Variants in GLOD4 observed in about 807,000 individuals in gnomAD.
GLOD4 encodes glyoxalase domain-containing protein 4.
In GLOD4, 44 loss-of-function variants were observed where a neutral mutation model predicts 39.1. That is an observed-to-expected ratio of 1.13 (90% confidence interval 0.88 to 1.45). The LOEUF (loss-of-function observed/expected upper bound fraction) is 1.45. Among genes scored for constraint, GLOD4 ranks in the 40% most tolerant of loss-of-function variants. The pLI is 0.00. For missense variants in GLOD4, 405 were observed against 366.4 expected, an observed-to-expected ratio of 1.11 and a Z score of -0.86; for synonymous variants, 145 against 135.0, an observed-to-expected ratio of 1.07 and a Z score of -0.52.
chr17:785,312 ATTG>A (rs754321517), upstream of GLOD4, among the ~76,000 whole-genome samples: 3 of 152,278 alleles, frequency 2.0e-5, no homozygotes, highest in East Asian at 1.9e-4. Flanking sequence ...CATTTTTAAT[ATTG>A]TTATTAGCCT....
intron 1 of GLOD4, 91 bp downstream of exon 1, chr17:782,075 C>A (rs772701502): frequency 1.2e-5 from 11 of 909,088 alleles, no homozygotes; most frequent in Non-Finnish European, 1.9e-5. Flanking sequence ...CTTAGGTTCA[C>A]GACACACCCA....
At chr17:769,562 T>A (rs1907556714) in intron 8 of GLOD4, among the ~76,000 whole-genome samples, 1 of 150,340 alleles carries the variant, frequency 6.7e-6, no homozygotes, top group African/African-American at 2.5e-5. Context: ...GATGGAGGCA[T>A]CTCCATGGGG....
At chr17:782,782 C>T (rs1448369230), upstream of GLOD4, 12 of 1,328,796 alleles carry the variant, frequency 9.0e-6, no homozygotes, top group Non-Finnish European at 1.2e-5. Flanking sequence ...AGGACTTCTT[C>T]CAGTACAGCC....
upstream of GLOD4, among the ~76,000 whole-genome samples, chr17:784,525 C>T (rs1400107099): frequency 1.3e-5 from 2 of 151,620 alleles, no homozygotes; most frequent in African/African-American, 4.8e-5. Context: ...CAGGTGTGCT[C>T]ACAGTGGCCA....
chr17:762,097 G>GT (rs1419616773), intron 8 of GLOD4, among the ~76,000 whole-genome samples: 2 of 152,204 alleles, frequency 1.3e-5, no homozygotes, highest in Admixed American at 1.3e-4. Flanking sequence ...GGGACAGACC[G>GT]TAAGTTGACA....
At chr17:767,732 G>GA (rs1906907479) in intron 8 of GLOD4, among the ~76,000 whole-genome samples, 1 of 148,166 alleles carries the variant, frequency 6.7e-6, no homozygotes, top group African/African-American at 2.5e-5. Flanking sequence ...ACGTAAGAGA[G>GA]GGAAACAGCG....
At chr17:768,513 C>T (rs1597579566) in intron 8 of GLOD4, among the ~76,000 whole-genome samples, 1 of 139,912 alleles carries the variant, frequency 7.1e-6, no homozygotes, top group African/African-American at 2.8e-5. Flanking sequence ...AGAGAAACAG[C>T]GCGCACTCAG....
intron 2 of GLOD4, chr17:778,366 T>G: frequency 2.3e-6 from 1 of 437,028 alleles, no homozygotes; most frequent in Non-Finnish European, 4.0e-6. Flanking sequence ...AGAGTCAGAA[T>G]CAATTAAATA....
intron 2 of GLOD4, 70 bp downstream of exon 2, chr17:778,625 G>T: frequency 1.1e-6 from 1 of 938,128 alleles, no homozygotes; most frequent in Non-Finnish European, 1.8e-6. Context: ...TACTCACTTT[G>T]AGAAACTGTC....
At chr17:773,359 T>C (rs773564013) in intron 4 of GLOD4, among the ~76,000 whole-genome samples, 1 of 151,822 alleles carries the variant, frequency 6.6e-6, no homozygotes, top group Non-Finnish European at 1.5e-5. Context: ...CAATAGAGAA[T>C]TGTTTCTCTT....
Position 776,990 on chromosome 17 carries a change from T to C in GLOD4, c.141-2A>G. On this transcript the variant is annotated splice_acceptor_variant, in intron 2 of 8. Coordinates refer to ENST00000301329, the MANE Select transcript of GLOD4 (RefSeq NM_016080.4). LOFTEE classifies it high-confidence loss of function. ...TTACTCCATTTCCCATCATAAGGCC[T>C]AGAAAATAAAAGTAAATGAACTCAG... 1 of 1,611,246 alleles carries C rather than the reference T, an allele frequency of 6.2e-7. No homozygotes were observed. The highest frequency in any genetic ancestry group is 8.5e-7 in the Non-Finnish European group (1 of 1,177,412).
intron 4 of GLOD4, among the ~76,000 whole-genome samples, chr17:772,013 CAAAAAAAAAAAA>C (rs67745456): frequency 2.0e-5 from 1 of 50,992 alleles, no homozygotes; most frequent in African/African-American, 8.5e-5. Context: ...AACTCTGTCT[CAAAAAAAAAAAA>C]AAAAAAAAAA....
chr17:778,369 A>C, intron 2 of GLOD4: 1 of 441,000 alleles, frequency 2.3e-6, no homozygotes, highest in Non-Finnish European at 4.0e-6. Flanking sequence ...GTCAGAATCA[A>C]TTAAATAACA....
chr17:783,907 TAAGA>T (rs1208038973), upstream of GLOD4, among the ~76,000 whole-genome samples: 1 of 152,188 alleles, frequency 6.6e-6, no homozygotes, highest in Non-Finnish European at 1.5e-5. Flanking sequence ...GATTAAAAAT[TAAGA>T]AAGCGTTTAC....
chr17:770,585 T>G, intron 5 of GLOD4, 78 bp from the exon 6 acceptor site: 1 of 777,336 alleles, frequency 1.3e-6, no homozygotes, highest in South Asian at 1.4e-5. Flanking sequence ...ATTCAAATAT[T>G]ATATACTAAA....
Position 770,010 on chromosome 17 carries a change from G to A in GLOD4, c.744+34C>T, listed in dbSNP as rs368905215. The A allele has an allele frequency of 2.3e-5, 35 of 1,547,092 alleles. No homozygotes were observed. The African/African-American group carries it at 4.5e-4, about 20-fold the overall frequency. On this transcript the variant is annotated intron_variant, in intron 7 of 8. Transcript: ENST00000301329. Reference sequence around the variant, plus strand: ...CAAAGACATCCTTGAAGAAACCCCTGGTCCAGCCTGCCCCCTGCCTGAGAA... The same window carrying A: ...CAAAGACATCCTTGAAGAAACCCCTAGTCCAGCCTGCCCCCTGCCTGAGAA...
chr17:779,319 T>TAAA (rs34487169), intron 1 of GLOD4, among the ~76,000 whole-genome samples: 3,786 of 43,382 alleles, frequency 0.087, 324 homozygotes, highest in Non-Finnish European at 0.12. Context: ...CATCTCAAAT[T>TAAA]AAAAAAAAAA....
Position 782,207 on chromosome 17 carries a change from A to T in GLOD4, c.49T>A (p.Phe17Ile). ...LHFVFKVGNR[F>I]QTARFYRDVL... ...TCCCGATAGAAACGCGCCGTCTGGA[A>T]GCGGTTTCCCACTTTGAATACGAAG... Residue 17 changes from phenylalanine to isoleucine, a missense_variant, in exon 1 of 9, where the codon TTC becomes ATC. Phe to Ile is a conservative substitution (Grantham distance 21). Coordinates refer to ENST00000301329, the MANE Select transcript of GLOD4 (RefSeq NM_016080.4). The T allele has an allele frequency of 6.2e-7, 1 of 1,613,334 alleles. No individual in the cohort carries two copies. The highest frequency in any genetic ancestry group is 8.5e-7 in the Non-Finnish European group (1 of 1,179,604).
chr17:780,824 T>C (rs1909798636), intron 1 of GLOD4: 1 of 152,716 alleles, frequency 6.5e-6, no homozygotes, highest in Non-Finnish European at 1.5e-5. Context: ...GGAAAACCGC[T>C]CCTTCTTTTG....
Sources: gnomAD v4.1 joint callset for allele counts (sites outside exome capture counted in the v4.1 genomes callset) on GRCh38, gnomAD v4.1.1 for gene constraint, MANE v1.5 for transcripts, NCBI Gene and HGNC (gene_info 2026-07-23, HGNC 2026-07-21) for gene names.